Variants in RASL10B observed in about 807,000 individuals in gnomAD.
RASL10B encodes ras-like protein family member 10B.
Under a neutral mutation model 20.7 loss-of-function variants are expected in RASL10B, and 10 were observed. The ratio of observed to expected loss-of-function variants is 0.48; its 90% CI spans 0.30 to 0.82. The LOEUF is 0.82. Among genes scored for constraint, RASL10B ranks in the 40% least tolerant of loss-of-function variants. The pLI, the probability that RASL10B is intolerant of heterozygous loss-of-function variation, is 0.07. For synonymous variants in RASL10B, 110 were observed against 123.3 expected, an observed-to-expected ratio of 0.89 and a Z score of 0.72; for missense variants, 231 against 295.4, an observed-to-expected ratio of 0.78 and a Z score of 1.60.
chr17:35,740,266 C>A, intron 2 of RASL10B, 143 bp from the exon 3 acceptor site: 2 of 1,023,676 alleles, frequency 2.0e-6, no homozygotes, highest in Non-Finnish European at 2.8e-6. Flanking sequence ...TCTCCCTGGG[C>A]CTGGTCTCCT....
At position 35,740,436 on chromosome 17, in the gene RASL10B, C is replaced by T. The variant is rs1568093263; in HGVS notation, c.244C>T (p.Leu82Phe). 6.2e-7 allele frequency: 1 copy of T among 1,613,856 alleles called. No individual in the cohort carries two copies. The highest frequency in any genetic ancestry group is 8.5e-7 in the Non-Finnish European group (1 of 1,179,960). Reference sequence around the variant, plus strand: ...GTGGGCAGACACCTGCTGCAGGGGACTCCGGAGTGTCCACGCCTACATCCT... The same window carrying T: ...GTGGGCAGACACCTGCTGCAGGGGATTCCGGAGTGTCCACGCCTACATCCT... Reference protein sequence around the residue: ...QEWADTCCRGLRSVHAYILVY... With the variant: ...QEWADTCCRGFRSVHAYILVY... Residue 82 changes from leucine (L) to phenylalanine (F), a missense_variant, in exon 3 of 4, where the codon CTC becomes TTC. Coordinates refer to ENST00000603017, the MANE Select transcript of RASL10B (RefSeq NM_033315.4).
intron 2 of RASL10B, among the ~76,000 whole-genome samples, chr17:35,739,089 A>G (rs2085612524): frequency 6.6e-6 from 1 of 152,320 alleles, no homozygotes; most frequent in Non-Finnish European, 1.5e-5. Flanking sequence ...GCACAAAGAA[A>G]AGATGCCACA....
At chr17:35,740,102 TG>T (rs1259385791) in intron 2 of RASL10B, among the ~76,000 whole-genome samples, 42 of 152,184 alleles carry the variant, frequency 2.8e-4, no homozygotes, top group Admixed American at 2.7e-3. Context: ...ATGTACTTGT[TG>T]AACAAAGGCC....
intron 1 of RASL10B, among the ~76,000 whole-genome samples, chr17:35,732,242 G>C (rs1240182926): frequency 2.0e-5 from 3 of 152,184 alleles, no homozygotes; most frequent in African/African-American, 7.2e-5. Context: ...CTCGGGATCC[G>C]CGAAGCCCCC....
At chr17:35,740,562 ACCT>A in intron 3 of RASL10B, 29 bp downstream of exon 3, 1 of 1,606,192 alleles carries the variant, frequency 6.2e-7, no homozygotes, top group African/African-American at 1.3e-5. Flanking sequence ...GTCCATTGCC[ACCT>A]CTGTGGATGC....
At position 35,741,024 on chromosome 17, in the gene RASL10B, T is replaced by A; in HGVS notation, c.342-11T>A. On this transcript the variant is annotated splice_polypyrimidine_tract_variant and intron_variant, in intron 3 of 3. Coordinates refer to ENST00000603017, the MANE Select transcript of RASL10B (RefSeq NM_033315.4). ...CTGACAGAGTTCTGAGCTGCCTGCC[T>A]CGCCCCACAGGGTGATCGGAACCTC... 1 of 1,582,322 alleles carries A rather than the reference T, an allele frequency of 6.3e-7. No individual in the cohort carries two copies. Among genetic ancestry groups the A allele is most frequent in the African/African-American group, 1.3e-5 (1 of 74,536 alleles).
At chr17:35,738,314 G>A (rs988602165) in intron 2 of RASL10B, among the ~76,000 whole-genome samples, 2 of 152,034 alleles carry the variant, frequency 1.3e-5, no homozygotes, top group Non-Finnish European at 2.9e-5. Flanking sequence ...AGGGACTTTT[G>A]GCAGAGAAAT....
rs587687746 is a variant in RASL10B, at chr17:35,741,353, G to C, written c.*48G>C. 2.2e-6 allele frequency: 3 copies of C among 1,387,790 alleles called. No homozygotes were observed. Among genetic ancestry groups the C allele is most frequent in the Non-Finnish European group, 2.8e-6 (3 of 1,077,072 alleles). 86.0% of individuals were successfully genotyped at this position (1,387,790 alleles called of 1,614,324 possible). A position where few individuals can be genotyped will look rare whatever the true frequency, so the allele number is the denominator to read the frequency against. ...CACCGGCACTGGCCGAGCGGAGGGC[G>C]GGGCCGTACTGCGGGGCTGGGGCGG... On this transcript the variant is annotated 3_prime_UTR_variant, in exon 4 of 4. Transcript: ENST00000603017.
Position 35,741,204 on chromosome 17 carries a change from A to C in RASL10B, c.511A>C (p.Ser171Arg). Residue 171 changes from serine (S) to arginine (R), a missense_variant, in exon 4 of 4, where the codon AGC becomes CGC. Transcript: ENST00000603017. ...CAACTGGCACATCCTGCTGCTCTTC[A>C]GCGAGCTGCTCAAGAGCGTCGGCTG... The part of the protein sequence containing the change: ...KYNWHILLLF[S>R]ELLKSVGCAR... The C allele has an allele frequency of 6.2e-7, 1 of 1,612,996 alleles. No individual in the cohort carries two copies. Among genetic ancestry groups the C allele is most frequent in the Non-Finnish European group, 8.5e-7 (1 of 1,179,940 alleles).
Position 35,741,414 on chromosome 17 carries a change from C to A in RASL10B, c.*109C>A. On this transcript the variant is annotated 3_prime_UTR_variant, in exon 4 of 4. Coordinates refer to ENST00000603017, the MANE Select transcript of RASL10B (RefSeq NM_033315.4). ...GGAAATGGAACTGTGACGGTCCCGG[C>A]CTGAGGCCCCTGCAGCCACGCACCT... The A allele has an allele frequency of 7.5e-7, 1 of 1,340,338 alleles. No individual in the cohort carries two copies. Among genetic ancestry groups the A allele is most frequent in the Non-Finnish European group, 9.6e-7 (1 of 1,043,894 alleles). 83.0% of individuals were successfully genotyped at this position (1,340,338 alleles called of 1,614,324 possible).
In RASL10B at chr17:35,733,922, A is replaced by T. The variant is rs587652425; in HGVS notation, c.-147-1116A>T. ...AGCAGCCCTTTTCTGGGCACCTGCT[A>T]TGTGCCAGGCCCTCTGGGCTCTAGG... On this transcript the variant is annotated intron_variant, in intron 1 of 3. Transcript: ENST00000603017. 4.6e-5 allele frequency among the ~76,000 whole-genome samples: 7 copies of T among 152,344 alleles called. No homozygotes were observed. The South Asian group carries it at 1.2e-3, about 27-fold the overall frequency.
At chr17:35,736,004 G>A (rs1034922822) in intron 2 of RASL10B, among the ~76,000 whole-genome samples, 5 of 152,196 alleles carry the variant, frequency 3.3e-5, no homozygotes, top group Non-Finnish European at 7.3e-5. Context: ...TGGAGACTCT[G>A]GAGACCCCAG....
rs587644033 is a variant in RASL10B, at chr17:35,741,025, C to T, written c.342-10C>T. The T allele has an allele frequency of 3.2e-6, 5 of 1,582,424 alleles. No individual in the cohort carries two copies. Among genetic ancestry groups the T allele is most frequent in the African/African-American group, 2.7e-5 (2 of 74,582 alleles). On this transcript the variant is annotated splice_polypyrimidine_tract_variant and intron_variant, in intron 3 of 3. Coordinates refer to ENST00000603017, the MANE Select transcript of RASL10B (RefSeq NM_033315.4). The stretch of plus-strand genomic sequence containing the variant: ...TGACAGAGTTCTGAGCTGCCTGCCT[C>T]GCCCCACAGGGTGATCGGAACCTCA...
chr17:35,735,369 C>A lies in RASL10B; in HGVS notation c.185C>A (p.Pro62His). ...GACCTCCAGATCCTCGACTTTCCAC[C>A]CATCAGCGCCTTCCCTGTCAATACG... ...VHDLQILDFP[P>H]ISAFPVNTLQ... The change falls in exon 2 of 4, where the codon CCC (proline) becomes CAC (histidine). Residue 62 changes from proline to histidine, a missense_variant. Physicochemically the swap from Pro to His is moderately conservative, Grantham distance 77 (BLOSUM62 -2). Coordinates refer to ENST00000603017, the MANE Select transcript of RASL10B (RefSeq NM_033315.4). This position sits in a 1 kb window ranked among gnomAD's most constrained non-coding sequence, Gnocchi z 6.7. 1.2e-6 allele frequency: 2 copies of A among 1,614,202 alleles called. No individual in the cohort carries two copies. The highest frequency in any genetic ancestry group is 1.7e-6 in the Non-Finnish European group (2 of 1,180,048).
At chr17:35,736,247 C>T (rs1354049056) in intron 2 of RASL10B, among the ~76,000 whole-genome samples, 3 of 152,214 alleles carry the variant, frequency 2.0e-5, no homozygotes, top group Non-Finnish European at 4.4e-5. Context: ...CATGTTTGCT[C>T]ACTGAAGGAA....
Position 35,735,331 on chromosome 17 carries a change from C to G in RASL10B, c.147C>G (p.Asn49Lys), listed in dbSNP as rs376963881. ...TTTACCTGCCTGCTGTCGTCATGAA[C>G]GGCCACGTGCACGACCTCCAGATCC... The part of the protein sequence containing the change: ...RRLYLPAVVM[N>K]GHVHDLQILD... Residue 49 changes from asparagine (N) to lysine (K), a missense_variant, in exon 2 of 4, where the codon AAC becomes AAG. Physicochemically the swap from Asn to Lys is moderately conservative, Grantham distance 94 (BLOSUM62 0). Transcript: ENST00000603017. The surrounding 1 kb of genome is among the most constrained non-coding windows in gnomAD (Gnocchi z 6.7). 2 of 1,614,190 alleles carry G rather than the reference C, an allele frequency of 1.2e-6. No homozygotes were observed. The highest frequency in any genetic ancestry group is 1.1e-5 in the South Asian group (1 of 91,090).
At position 35,735,249 on chromosome 17, in the gene RASL10B, G is replaced by A. The variant is rs781913800; in HGVS notation, c.65G>A (p.Arg22His). Residue 22 changes from arginine (R) to histidine (H), a missense_variant, in exon 2 of 4, where the codon CGC becomes CAC. By Grantham distance (29) the Arg-to-His change is conservative. Coordinates refer to ENST00000603017, the MANE Select transcript of RASL10B (RefSeq NM_033315.4). The surrounding 1 kb of genome is among the most constrained non-coding windows in gnomAD (Gnocchi z 6.7). ...GGTGTGGGCAAGAGTGCCATCGTGC[G>A]CCAGTTCTTGTACAACGAGTTCAGC... ...ARGVGKSAIV[R>H]QFLYNEFSEV... The A allele has an allele frequency of 2.2e-5, 36 of 1,613,510 alleles. No homozygotes were observed. The highest frequency in any genetic ancestry group is 1.6e-4 in the Middle Eastern group (1 of 6,062).
intron 2 of RASL10B, among the ~76,000 whole-genome samples, chr17:35,739,866 A>G (rs2085618459): frequency 6.6e-6 from 1 of 152,206 alleles, no homozygotes; most frequent in African/African-American, 2.4e-5. Context: ...CCTTCTCAGG[A>G]GCTCACAGCA....
intron 2 of RASL10B, among the ~76,000 whole-genome samples, chr17:35,740,137 C>T (rs2143020300): frequency 6.6e-6 from 1 of 152,284 alleles, no homozygotes; most frequent in Admixed American, 6.5e-5. Flanking sequence ...GAGGGCACGA[C>T]ATGGAGCAAG....
Sources: gnomAD v4.1 joint callset for allele counts (sites outside exome capture counted in the v4.1 genomes callset) on GRCh38, gnomAD v4.1.1 for gene constraint, Gnocchi (gnomAD v3.1) non-coding constraint, MANE v1.5 for transcripts, NCBI Gene and HGNC (gene_info 2026-07-23, HGNC 2026-07-21) for gene names.